NFASC: variants seen among roughly 807,000 people sequenced by gnomAD.
NFASC encodes neurofascin.
In NFASC, 43 loss-of-function variants were observed where a neutral mutation model predicts 147.5. The ratio of observed to expected loss-of-function variants is 0.29; its 90% confidence interval spans 0.23 to 0.38. NFASC has a LOEUF of 0.38. Among genes scored for constraint, NFASC ranks in the 10% least tolerant of loss-of-function variants. NFASC has a pLI of 1.00. For missense variants in NFASC, 1,320 were observed against 1,689.0 expected (o/e 0.78, Z 3.83); for synonymous variants, 622 against 665.5 (o/e 0.93, Z 1.01).
At chr1:204,961,561 A>G (rs184433538) in intron 8 of NFASC, among the ~76,000 whole-genome samples, 75 of 152,390 alleles carry the variant, frequency 4.9e-4, no homozygotes, top group African/African-American at 1.6e-3. Flanking sequence ...GGGTGTGGCC[A>G]GGGCCCCTTG....
chr1:204,858,497 C>T (rs942577336), intron 1 of NFASC, among the ~76,000 whole-genome samples: 3 of 152,042 alleles, frequency 2.0e-5, no homozygotes, highest in African/African-American at 7.2e-5. Flanking sequence ...GTCATGATGG[C>T]AACGAAGAGG....
chr1:204,982,933 G>C (rs964581381), intron 21 of NFASC, among the ~76,000 whole-genome samples: 78 of 152,324 alleles, frequency 5.1e-4, no homozygotes, highest in Non-Finnish European at 4.4e-5. Context: ...GGAGGGCTGG[G>C]CCCTGGGCCC....
At chr1:204,920,592 G>C (rs150048103) in intron 1 of NFASC, 40 bp from the exon 2 acceptor site, 2 of 1,018,762 alleles carry the variant, frequency 2.0e-6, no homozygotes, top group Admixed American at 4.9e-5. Context: ...TCCTTTCTTA[G>C]AGTAACCCTG....
intron 1 of NFASC, among the ~76,000 whole-genome samples, chr1:204,833,094 G>T (rs1558470460): frequency 6.6e-6 from 1 of 152,200 alleles, no homozygotes; most frequent in African/African-American, 2.4e-5. Context: ...CCAGGACATT[G>T]GTTAGATTGT....
At chr1:204,879,352 A>C (rs1164601940) in intron 1 of NFASC, among the ~76,000 whole-genome samples, 1 of 152,206 alleles carries the variant, frequency 6.6e-6, no homozygotes, top group Non-Finnish European at 1.5e-5. Flanking sequence ...CCCCCGCAAA[A>C]CAGTCGTCTG....
At chr1:204,913,929 C>A (rs2088451431) in intron 1 of NFASC, among the ~76,000 whole-genome samples, 1 of 149,864 alleles carries the variant, frequency 6.7e-6, no homozygotes. Flanking sequence ...AATTAAACCA[C>A]AGAAATGTTA....
In NFASC at chr1:204,922,415, C is replaced by T. The variant is rs149465497; in HGVS notation, c.-91+1675C>T. 1.5e-3 allele frequency among the ~76,000 whole-genome samples: 231 copies of T among 152,310 alleles called. 1 individual carries two copies. Among genetic ancestry groups the T allele is most frequent in the African/African-American group, 5.3e-3 (220 of 41,564 alleles). ...ATTCGTTCTGGCTCGTACTTCTGGA[C>T]ACCACCAGTCTAACCAGCAAAATCG... On this transcript the variant is annotated intron_variant, in intron 2 of 29. Transcript: ENST00000339876.
At chr1:204,860,398 T>A (rs892654612) in intron 1 of NFASC, among the ~76,000 whole-genome samples, 1 of 152,090 alleles carries the variant, frequency 6.6e-6, no homozygotes, top group African/African-American at 2.4e-5. Context: ...GTCACTGGAG[T>A]GTGGGCCAGT....
At chr1:205,003,764 C>T (rs940277242) in intron 27 of NFASC, among the ~76,000 whole-genome samples, 4 of 152,246 alleles carry the variant, frequency 2.6e-5, no homozygotes, top group African/African-American at 9.6e-5. Flanking sequence ...TCCTCCTGCA[C>T]CTGGCCTGGC....
At chr1:204,950,434 G>T (rs535854320) in intron 3 of NFASC, 123 bp from the exon 4 acceptor site, 2 of 869,626 alleles carry the variant, frequency 2.3e-6, no homozygotes, top group Non-Finnish European at 3.8e-6. Flanking sequence ...TGTGCTCAGC[G>T]CCCTCCCCAG....
chr1:204,862,195 A>G (rs898643200), intron 1 of NFASC, among the ~76,000 whole-genome samples: 3 of 152,200 alleles, frequency 2.0e-5, no homozygotes, highest in African/African-American at 7.2e-5. Context: ...ATCACCCACC[A>G]TCTTTCCCAT....
At chr1:204,831,467 T>G (rs1178891692) in intron 1 of NFASC, among the ~76,000 whole-genome samples, 1 of 151,744 alleles carries the variant, frequency 6.6e-6, no homozygotes, top group Non-Finnish European at 1.5e-5. Flanking sequence ...GGGTCTGATT[T>G]CTGTGGTGAG....
At chr1:204,984,801 G>T (rs2095582249) in intron 21 of NFASC, among the ~76,000 whole-genome samples, 1 of 152,102 alleles carries the variant, frequency 6.6e-6, no homozygotes, top group African/African-American at 2.4e-5. Context: ...GCTCAGATGG[G>T]AAGAAGAGAG....
At chr1:204,903,542 C>G (rs965677815) in intron 1 of NFASC, among the ~76,000 whole-genome samples, 1 of 152,210 alleles carries the variant, frequency 6.6e-6, no homozygotes, top group Non-Finnish European at 1.5e-5. Context: ...GGCTTGTGAT[C>G]TTTCCCAAGA....
At chr1:204,885,499 G>A (rs1360938977) in intron 1 of NFASC, among the ~76,000 whole-genome samples, 1 of 152,146 alleles carries the variant, frequency 6.6e-6, no homozygotes, top group Non-Finnish European at 1.5e-5. Context: ...GGACTTTGTG[G>A]GATGCTAGAA....
At chr1:204,924,859 T>G (rs2091200698) in intron 2 of NFASC, among the ~76,000 whole-genome samples, 1 of 152,090 alleles carries the variant, frequency 6.6e-6, no homozygotes, top group Admixed American at 6.6e-5. Flanking sequence ...AAAGGGCCAA[T>G]CGTTTATTTT....
chr1:204,835,085 G>T (rs1462614209), intron 1 of NFASC, among the ~76,000 whole-genome samples: 1 of 152,080 alleles, frequency 6.6e-6, no homozygotes. Context: ...GGTGGTAAGA[G>T]ATATGTGTCC....
intron 1 of NFASC, among the ~76,000 whole-genome samples, chr1:204,873,622 C>G (rs936694581): frequency 6.6e-6 from 1 of 152,158 alleles, no homozygotes; most frequent in African/African-American, 2.4e-5. Context: ...CGTTCTTTAC[C>G]TAGGACACAA....
intron 1 of NFASC, among the ~76,000 whole-genome samples, chr1:204,880,431 C>T (rs935285797): frequency 2.0e-5 from 3 of 152,178 alleles, no homozygotes; most frequent in African/African-American, 7.2e-5. Flanking sequence ...TCTCAGCTCA[C>T]TGCAAGCTCC....
Sources: allele counts gnomAD v4.1 joint callset (sites outside exome capture counted in the v4.1 genomes callset), GRCh38; gene constraint gnomAD v4.1.1; transcripts MANE v1.5; gene names NCBI Gene and HGNC (gene_info 2026-07-23, HGNC 2026-07-21).